RNF128: variants seen among roughly 807,000 people sequenced by gnomAD.
The protein encoded by RNF128 is ring finger protein 128, also known as E3 ubiquitin-protein ligase RNF128.
Under a neutral mutation model 26.2 loss-of-function variants are expected in RNF128, and 13 were observed. The observed-to-expected ratio is 0.50, with a 90% confidence interval of 0.32 to 0.79. The LOEUF is 0.79. Among genes scored for constraint, RNF128 ranks in the 30% least tolerant of loss-of-function variants. The probability of loss-of-function intolerance (pLI) is 0.03; values close to 1 mark genes in which losing one functional copy is unlikely to be tolerated. For synonymous variants in RNF128, 149 were observed against 142.5 expected, an observed-to-expected ratio of 1.05 and a Z score of -0.32; for missense variants, 315 against 349.7, an observed-to-expected ratio of 0.90 and a Z score of 0.79.
intron 1 of RNF128, among the ~76,000 whole-genome samples, chrX:106,753,083 A>G (rs898252271): frequency 9.0e-6 from 1 of 111,377 alleles, no homozygotes; most frequent in African/African-American, 3.3e-5. Flanking sequence ...CTTCAAAAGT[A>G]CAGATCTAAG....
chrX:106,758,952 A>G (rs1827882500), intron 1 of RNF128, among the ~76,000 whole-genome samples: 1 of 111,789 alleles, frequency 8.9e-6, no homozygotes, highest in African/African-American at 3.2e-5. Context: ...CATCAAGCTA[A>G]AAAGCTTCTA....
chrX:106,741,967 G>C (rs1178764858), intron 1 of RNF128, among the ~76,000 whole-genome samples: 1 of 111,650 alleles, frequency 9.0e-6, no homozygotes, highest in Non-Finnish European at 1.9e-5. Context: ...TTATTCCGTA[G>C]GTGAAATGGA....
intron 1 of RNF128, among the ~76,000 whole-genome samples, chrX:106,734,259 T>C (rs746851799): frequency 1.4e-4 from 15 of 110,672 alleles, no homozygotes; most frequent in African/African-American, 4.9e-4. Flanking sequence ...ATAAAAAATA[T>C]GCTTCACCGA....
At chrX:106,756,396 T>C (rs1418516268) in intron 1 of RNF128, among the ~76,000 whole-genome samples, 1 of 109,237 alleles carries the variant, frequency 9.2e-6, no homozygotes, top group Non-Finnish European at 1.9e-5. Context: ...GAGATATAGA[T>C]CAATGGAACA....
At chrX:106,711,456 T>G (rs1476651654) in intron 1 of RNF128, among the ~76,000 whole-genome samples, 1 of 112,254 alleles carries the variant, frequency 8.9e-6, no homozygotes, top group Non-Finnish European at 1.9e-5. Flanking sequence ...ACTAGCTAAG[T>G]GAGCCAGACT....
chrX:106,735,083 C>A (rs1460412510), intron 1 of RNF128, among the ~76,000 whole-genome samples: 1 of 111,539 alleles, frequency 9.0e-6, no homozygotes, highest in Non-Finnish European at 1.9e-5. Context: ...GTGTGTATGT[C>A]CTTCCATGCA....
intron 1 of RNF128, among the ~76,000 whole-genome samples, chrX:106,759,502 A>G (rs887358062): frequency 1.8e-5 from 2 of 112,062 alleles, no homozygotes; most frequent in African/African-American, 6.5e-5. Context: ...TTGCAGCACT[A>G]TTCTACAATA....
intron 4 of RNF128, among the ~76,000 whole-genome samples, chrX:106,789,644 A>G (rs1440386971): frequency 9.4e-6 from 1 of 106,272 alleles, no homozygotes; most frequent in Non-Finnish European, 1.9e-5. Flanking sequence ...CTAATCCATC[A>G]AGAAAAAAAT....
Position 106,796,182 on chromosome X carries a change from G to A in RNF128, c.*469G>A, listed in dbSNP as rs1193379922. 4 of 112,101 alleles carry A rather than the reference G, an allele frequency of 3.6e-5. No homozygotes were observed. The highest frequency in any genetic ancestry group is 7.5e-5 in the Non-Finnish European group (4 of 53,029). The allele number at this position is 112,101 out of a possible 1,213,427, so 9.2% of individuals were successfully genotyped here. A position where few individuals can be genotyped will look rare whatever the true frequency, so the allele number is the denominator to read the frequency against. ...TAAAAAGCAATGCAAACTTAGGCGAGTACTTCTTGAAATGTCTATTTAAGC... is the reference window on the plus strand; with the variant it reads ...TAAAAAGCAATGCAAACTTAGGCGAATACTTCTTGAAATGTCTATTTAAGC... On this transcript the variant is annotated 3_prime_UTR_variant, in exon 7 of 7. Coordinates refer to ENST00000255499, the MANE Select transcript of RNF128 (RefSeq NM_194463.2).
At chrX:106,792,042 T>C (rs930503394) in intron 6 of RNF128, among the ~76,000 whole-genome samples, 6 of 111,310 alleles carry the variant, frequency 5.4e-5, no homozygotes, top group Non-Finnish European at 9.4e-5. Context: ...CTTTGTCCTC[T>C]ATAGGCTTAT....
At chrX:106,790,397 T>A in intron 5 of RNF128, 115 bp downstream of exon 5, 1 of 438,985 alleles carries the variant, frequency 2.3e-6, no homozygotes, top group Non-Finnish European at 4.0e-6. Context: ...AGTTTATACC[T>A]AAAACCAGAC....
At chrX:106,759,593 C>T (rs192942059) in intron 1 of RNF128, among the ~76,000 whole-genome samples, 1 of 111,881 alleles carries the variant, frequency 8.9e-6, no homozygotes. Flanking sequence ...CAATGGAGTA[C>T]TATTCAGCCA....
chrX:106,765,086 T>C (rs780063521), intron 1 of RNF128, among the ~76,000 whole-genome samples: 2 of 111,999 alleles, frequency 1.8e-5, no homozygotes, highest in African/African-American at 6.5e-5. Flanking sequence ...GTTTTTGAGA[T>C]TTTCCTTTTG....
In RNF128 at chrX:106,777,049, A is replaced by G. The variant is rs377608400; in HGVS notation, c.732+3889A>G. The stretch of plus-strand genomic sequence containing the variant: ...GGAAGGTTTAATAAATATTTCTGTG[A>G]CATTTCCGGATTTTTTTTGTAACCA... On this transcript the variant is annotated intron_variant, in intron 2 of 6. Transcript: ENST00000255499. Among the ~76,000 whole-genome samples, 41 of 112,010 alleles carry G rather than the reference A, an allele frequency of 3.7e-4. 1 individual carries two copies. In the South Asian group the frequency reaches 0.015, roughly 42 times the overall value.
At chrX:106,744,722 G>C (rs899041880) in intron 1 of RNF128, among the ~76,000 whole-genome samples, 7 of 111,509 alleles carry the variant, frequency 6.3e-5, no homozygotes, top group African/African-American at 2.3e-4. Flanking sequence ...GCCTCCCAAA[G>C]TGCTAGGATT....
intron 1 of RNF128, among the ~76,000 whole-genome samples, chrX:106,710,368 T>G (rs914878350): frequency 8.9e-6 from 1 of 112,383 alleles, no homozygotes; most frequent in African/African-American, 3.2e-5. Flanking sequence ...ATTAGGAAAC[T>G]CAGAGAACTA....
intron 1 of RNF128, among the ~76,000 whole-genome samples, chrX:106,708,437 T>C (rs954686660): frequency 1.5e-4 from 17 of 112,632 alleles, no homozygotes; most frequent in Non-Finnish European, 2.6e-4. Context: ...TCTCCACTTA[T>C]CTACATAAGC....
At chrX:106,769,868 G>A (rs1266347244) in intron 1 of RNF128, among the ~76,000 whole-genome samples, 1 of 111,298 alleles carries the variant, frequency 9.0e-6, no homozygotes, top group Non-Finnish European at 1.9e-5. Flanking sequence ...AATTTCGCAT[G>A]CTTTTGCAGT....
chrX:106,709,455 T>C (rs1929090173), intron 1 of RNF128, among the ~76,000 whole-genome samples: 1 of 112,411 alleles, frequency 8.9e-6, no homozygotes, highest in South Asian at 3.7e-4. Context: ...TTCACTGAAC[T>C]GTGCCATTTA....
Sources: gnomAD v4.1 joint callset for allele counts (sites outside exome capture counted in the v4.1 genomes callset) on GRCh38, gnomAD v4.1.1 for gene constraint, MANE v1.5 for transcripts, NCBI Gene and HGNC (gene_info 2026-07-23, HGNC 2026-07-21) for gene names.